Variants in IDE observed in about 807,000 individuals in gnomAD.
IDE encodes the protein insulin-degrading enzyme.
A neutral mutation model predicts 133.2 loss-of-function variants in IDE; 58 were observed. The ratio of observed to expected loss-of-function variants is 0.44; its 90% CI spans 0.35 to 0.54. The LOEUF (loss-of-function observed/expected upper bound fraction) is 0.54, where lower values mean the gene tolerates loss of function less well. IDE is among the 20% of genes least tolerant of loss of function. The probability of loss-of-function intolerance (pLI) is 0.00; values close to 1 mark genes in which losing one functional copy is unlikely to be tolerated. For missense variants in IDE, 981 were observed against 1,234.0 expected, an observed-to-expected ratio of 0.79 and a Z score of 3.07; for synonymous variants, 396 against 421.3, an observed-to-expected ratio of 0.94 and a Z score of 0.73.
chr10:92,473,981 TA>T (rs1038960285), intron 17 of IDE, among the ~76,000 whole-genome samples: 47 of 146,112 alleles, frequency 3.2e-4, no homozygotes, highest in African/African-American at 6.0e-4. Flanking sequence ...ACTCCGTCTT[TA>T]AAAAAAAAAA....
intron 2 of IDE, among the ~76,000 whole-genome samples, chr10:92,536,554 C>T (rs1197258508): frequency 6.7e-6 from 1 of 149,048 alleles, no homozygotes; most frequent in Non-Finnish European, 1.5e-5. Context: ...CAGAATTAGG[C>T]GGGCGTGGTG....
chr10:92,541,380 T>G (rs1842296207), intron 1 of IDE: 1 of 466,994 alleles, frequency 2.1e-6, no homozygotes, highest in Non-Finnish European at 4.4e-6. Flanking sequence ...TCTCTGTATT[T>G]ATACTCATAA....
chr10:92,510,182 G>C lies in IDE; in HGVS notation c.785-20C>G. 7.8e-7 allele frequency: 1 copy of C among 1,277,308 alleles called. No individual in the cohort carries two copies. The highest frequency in any genetic ancestry group is 1.1e-6 in the Non-Finnish European group (1 of 883,932). The allele number at this position is 1,277,308 out of a possible 1,614,324, so 79.1% of individuals were successfully genotyped here. A position where few individuals can be genotyped will look rare whatever the true frequency, so the allele number is the denominator to read the frequency against. On this transcript the variant is annotated intron_variant, in intron 5 of 24. Coordinates refer to ENST00000265986, the MANE Select transcript of IDE (RefSeq NM_004969.4). ...AAGATTCTACAAGAAAACAGACAAGGAAAACAGAACTTAAGCGAATCATAA... is the reference window on the plus strand; with the variant it reads ...AAGATTCTACAAGAAAACAGACAAGCAAAACAGAACTTAAGCGAATCATAA...
At chr10:92,487,778 T>G (rs1847093778) in intron 12 of IDE, among the ~76,000 whole-genome samples, 1 of 152,100 alleles carries the variant, frequency 6.6e-6, no homozygotes, top group South Asian at 2.1e-4. Context: ...CTAAAGGAGG[T>G]GTCTTTCACT....
intron 4 of IDE, among the ~76,000 whole-genome samples, chr10:92,524,446 T>TATATA: frequency 2.3e-5 from 1 of 42,958 alleles, no homozygotes; most frequent in South Asian, 4.8e-4. Context: ...TATAATATAT[T>TATATA]TTATATATTA....
chr10:92,511,098 AAAAC>A (rs1848602662), intron 5 of IDE, among the ~76,000 whole-genome samples: 1 of 150,486 alleles, frequency 6.6e-6, no homozygotes, highest in Non-Finnish European at 1.5e-5. Flanking sequence ...AAAAAAAAAA[AAAAC>A]TTTTTTTTTT....
intron 1 of IDE, among the ~76,000 whole-genome samples, chr10:92,546,402 T>C (rs570018842): frequency 1.2e-4 from 19 of 152,122 alleles, no homozygotes; most frequent in African/African-American, 4.6e-4. Flanking sequence ...CAAAATATCA[T>C]AAAACACAGT....
intron 1 of IDE, among the ~76,000 whole-genome samples, chr10:92,550,730 C>G (rs1231851091): frequency 6.9e-6 from 1 of 145,646 alleles, no homozygotes; most frequent in Non-Finnish European, 1.5e-5. Context: ...ATTAGCTGGG[C>G]GTGGTGGCAT....
chr10:92,508,068 A>G, intron 8 of IDE, 45 bp downstream of exon 8: 1 of 1,372,856 alleles, frequency 7.3e-7, no homozygotes, highest in Non-Finnish European at 1.0e-6. Context: ...AACATCATAG[A>G]AAGTAAATTT....
chr10:92,528,369 G>A (rs1046088365), intron 4 of IDE, among the ~76,000 whole-genome samples: 1 of 151,448 alleles, frequency 6.6e-6, no homozygotes, highest in East Asian at 1.9e-4. Flanking sequence ...AGAGTCTACT[G>A]TCTATCACTT....
intron 1 of IDE, among the ~76,000 whole-genome samples, chr10:92,538,056 T>G (rs904948407): frequency 6.6e-6 from 1 of 152,070 alleles, no homozygotes; most frequent in African/African-American, 2.4e-5. Flanking sequence ...GCATTTTTTG[T>G]AGAGATGGGA....
chr10:92,542,247 C>T (rs1444189921), intron 1 of IDE, among the ~76,000 whole-genome samples: 2 of 152,144 alleles, frequency 1.3e-5, no homozygotes, highest in Non-Finnish European at 2.9e-5. Flanking sequence ...CTCAACATCC[C>T]GGGCTCAGGT....
chr10:92,456,249 C>T lies in IDE; in HGVS notation c.2896+110G>A, dbSNP rs186706293. 1.4e-3 allele frequency: 1,106 copies of T among 783,776 alleles called. 10 individuals carry two copies. The African/African-American group carries it at 0.017, about 12-fold the overall frequency. 48.6% of individuals were successfully genotyped at this position (783,776 alleles called of 1,614,324 possible). A position where few individuals can be genotyped will look rare whatever the true frequency, so the allele number is the denominator to read the frequency against. On this transcript the variant is annotated intron_variant, in intron 23 of 24. Transcript: ENST00000265986. ...ATCTGCAGACCTTATCTCCAGTTTC[C>T]GTTCTCTACCTCTTTTACTTTCTGG...
At chr10:92,518,049 C>T (rs1482724812) in intron 4 of IDE, among the ~76,000 whole-genome samples, 1 of 151,922 alleles carries the variant, frequency 6.6e-6, no homozygotes, top group African/African-American at 2.4e-5. Context: ...TAGGTGCATA[C>T]CCATAGTCCT....
chr10:92,514,897 T>C, intron 5 of IDE, 23 bp downstream of exon 5: 3 of 1,594,724 alleles, frequency 1.9e-6, no homozygotes, highest in Non-Finnish European at 2.6e-6. Context: ...TCCAATTCTA[T>C]AAAAAATTGT....
At chr10:92,485,535 C>CGAGTGAAG (rs1191291124) in intron 13 of IDE, among the ~76,000 whole-genome samples, 1 of 152,216 alleles carries the variant, frequency 6.6e-6, no homozygotes, top group African/African-American at 2.4e-5. Flanking sequence ...CTCTCCACTT[C>CGAGTGAAG]ACTCATGCTA....
intron 11 of IDE, among the ~76,000 whole-genome samples, chr10:92,497,031 A>G (rs1236455132): frequency 5.9e-5 from 9 of 152,256 alleles, no homozygotes; most frequent in Admixed American, 3.9e-4. Flanking sequence ...ATCCCTGACA[A>G]AATTCTACAG....
rs1348934445 is a variant in IDE, at chr10:92,452,154, G to C, written c.*2290C>G. ...TATGAACAATGAAAGCAAGAAATCT[G>C]GTCAAACTGGGATGTTGAGAGGTAG... On this transcript the variant is annotated 3_prime_UTR_variant, in exon 25 of 25. Coordinates refer to ENST00000265986, the MANE Select transcript of IDE (RefSeq NM_004969.4). 6.6e-6 allele frequency: 1 copy of C among 152,114 alleles called. No individual in the cohort carries two copies. Among genetic ancestry groups the C allele is most frequent in the Admixed American group, 6.6e-5 (1 of 15,260 alleles). 9.4% of individuals were successfully genotyped at this position (152,114 alleles called of 1,614,324 possible). A position where few individuals can be genotyped will look rare whatever the true frequency, so the allele number is the denominator to read the frequency against.
intron 9 of IDE, among the ~76,000 whole-genome samples, 192 bp from the exon 10 acceptor site, chr10:92,506,714 T>C (rs981011774): frequency 1.1e-4 from 17 of 152,178 alleles, no homozygotes; most frequent in African/African-American, 4.1e-4. Context: ...GTGTATAAAA[T>C]TTAATCCATC....
Sources: allele counts gnomAD v4.1 joint callset (sites outside exome capture counted in the v4.1 genomes callset), GRCh38; gene constraint gnomAD v4.1.1; transcripts MANE v1.5; gene names NCBI Gene and HGNC (gene_info 2026-07-23, HGNC 2026-07-21).